FBXL17: variants seen among roughly 807,000 people sequenced by gnomAD.
FBXL17 encodes F-box and leucine rich repeat protein 17.
In FBXL17, 22 loss-of-function variants were observed where a neutral mutation model predicts 66.2. The observed-to-expected ratio is 0.33, with a 90% CI of 0.24 to 0.47. The LOEUF (loss-of-function observed/expected upper bound fraction) is 0.47, where lower values mean the gene tolerates loss of function less well. Among genes scored for constraint, FBXL17 ranks in the 20% least tolerant of loss-of-function variants. The pLI, the probability that FBXL17 is intolerant of heterozygous loss-of-function variation, is 1.00. For missense variants in FBXL17, 878 were observed against 948.2 expected, an observed-to-expected ratio of 0.93 and a Z score of 0.97; for synonymous variants, 474 against 400.5, an observed-to-expected ratio of 1.18 and a Z score of -2.19.
At chr5:107,872,232 C>T (rs1177582123) in intron 8 of FBXL17, among the ~76,000 whole-genome samples, 1 of 152,150 alleles carries the variant, frequency 6.6e-6, no homozygotes, top group Non-Finnish European at 1.5e-5. Context: ...CTGAAAGATG[C>T]CAAGTTCAAC....
At chr5:108,150,757 A>C (rs756902895) in intron 6 of FBXL17, among the ~76,000 whole-genome samples, 7 of 152,214 alleles carry the variant, frequency 4.6e-5, no homozygotes, top group Non-Finnish European at 8.8e-5. Flanking sequence ...ACAGGATCAC[A>C]GGATCACATA....
rs1748122591 is a variant in FBXL17, at chr5:107,861,561, C to G, written c.*159G>C. 2 of 569,146 alleles carry G rather than the reference C, an allele frequency of 3.5e-6. No individual in the cohort carries two copies. The highest frequency in any genetic ancestry group is 5.2e-6 in the Non-Finnish European group (2 of 383,036). The allele number at this position is 569,146 out of a possible 1,614,324, so 35.3% of individuals were successfully genotyped here. ...CTCACTTGGGAACAAATGACAACTGCACTTTTGGTATGCAGTATGCAAACA... is the reference window on the plus strand; with the variant it reads ...CTCACTTGGGAACAAATGACAACTGGACTTTTGGTATGCAGTATGCAAACA... On this transcript the variant is annotated 3_prime_UTR_variant, in exon 9 of 9. Transcript: ENST00000542267.
At chr5:108,060,559 G>T (rs1298965216) in intron 6 of FBXL17, among the ~76,000 whole-genome samples, 1 of 152,104 alleles carries the variant, frequency 6.6e-6, no homozygotes, top group East Asian at 1.9e-4. Context: ...TTATTGTCTA[G>T]TTACACTTCT....
intron 8 of FBXL17, chr5:107,879,885 A>T (rs757422540): frequency 2.7e-5 from 27 of 985,342 alleles, no homozygotes; most frequent in African/African-American, 3.5e-5. Context: ...GCAGCACTGG[A>T]TACAGACTCC....
rs1034440048 is a variant in FBXL17 at position 108,299,211 on chromosome 5, T to C, written c.1506+49188A>G. On this transcript the variant is annotated intron_variant, in intron 4 of 8. Transcript: ENST00000542267. Reference sequence around the variant, plus strand: ...GCAGAGTTGGACCTTTATACCTTTATGACATACATACAGGATAAATTCCCA... The same window carrying C: ...GCAGAGTTGGACCTTTATACCTTTACGACATACATACAGGATAAATTCCCA... 3 of 985,096 alleles carry C rather than the reference T, an allele frequency of 3.0e-6. No individual in the cohort carries two copies. In the African/African-American group the frequency reaches 5.2e-5, roughly 17 times the overall value. The allele number at this position is 985,096 out of a possible 1,614,324, so 61.0% of individuals were successfully genotyped here. A position where few individuals can be genotyped will look rare whatever the true frequency, so the allele number is the denominator to read the frequency against.
chr5:108,235,163 G>A (rs748137984), intron 4 of FBXL17, among the ~76,000 whole-genome samples: 1 of 152,300 alleles, frequency 6.6e-6, no homozygotes, highest in Non-Finnish European at 1.5e-5. Flanking sequence ...GGATTATAGA[G>A]TTAATCTGTG....
At chr5:108,299,443 A>G in intron 4 of FBXL17, 1 of 943,286 alleles carries the variant, frequency 1.1e-6, no homozygotes, top group Non-Finnish European at 1.3e-6. Flanking sequence ...AAGACACACT[A>G]GTTTATAGAT....
intron 5 of FBXL17, among the ~76,000 whole-genome samples, chr5:108,215,822 A>G (rs1302488287): frequency 6.6e-6 from 1 of 152,072 alleles, no homozygotes; most frequent in Non-Finnish European, 1.5e-5. Context: ...TACATGTTTC[A>G]TAGTTTTAAC....
At chr5:108,213,234 G>T (rs2150063604) in intron 5 of FBXL17, among the ~76,000 whole-genome samples, 1 of 152,264 alleles carries the variant, frequency 6.6e-6, no homozygotes, top group South Asian at 2.1e-4. Context: ...GGGCTCCATG[G>T]GAGTGGGACC....
At chr5:107,970,591 G>A (rs1255651244) in intron 7 of FBXL17, among the ~76,000 whole-genome samples, 1 of 152,178 alleles carries the variant, frequency 6.6e-6, no homozygotes, top group African/African-American at 2.4e-5. Flanking sequence ...TCTACTAGAA[G>A]GCAAAACTTT....
intron 7 of FBXL17, among the ~76,000 whole-genome samples, chr5:107,951,609 A>G (rs1423260166): frequency 6.6e-6 from 1 of 152,238 alleles, no homozygotes; most frequent in East Asian, 1.9e-4. Flanking sequence ...GCAGATGGCC[A>G]AGAAATCAAG....
At chr5:107,905,088 T>A (rs1315913902) in intron 7 of FBXL17, among the ~76,000 whole-genome samples, 2 of 152,010 alleles carry the variant, frequency 1.3e-5, no homozygotes, top group African/African-American at 4.8e-5. Flanking sequence ...TTGTGGATCT[T>A]CATAAAACTT....
At chr5:108,245,810 A>T (rs1341645044) in intron 4 of FBXL17, among the ~76,000 whole-genome samples, 1 of 152,202 alleles carries the variant, frequency 6.6e-6, no homozygotes, top group Non-Finnish European at 1.5e-5. Context: ...CAGAGCTCAC[A>T]TTGTACAACA....
chr5:108,100,812 T>A (rs777083692), intron 6 of FBXL17, among the ~76,000 whole-genome samples: 14 of 152,210 alleles, frequency 9.2e-5, no homozygotes, highest in Admixed American at 8.5e-4. Flanking sequence ...GAGCTTAGTT[T>A]TCCTCCTTTT....
At chr5:107,913,432 G>T (rs1750016800) in intron 7 of FBXL17, among the ~76,000 whole-genome samples, 1 of 152,136 alleles carries the variant, frequency 6.6e-6, no homozygotes, top group Non-Finnish European at 1.5e-5. Flanking sequence ...TCTGATATGG[G>T]AGTGTAGGAA....
rs1748884226 is a variant in FBXL17 at position 108,084,240 on chromosome 5, G to A, written c.1746-63239C>T. 2.6e-5 allele frequency among the ~76,000 whole-genome samples: 4 copies of A among 152,190 alleles called. No individual in the cohort carries two copies. The South Asian group carries it at 8.3e-4, about 32-fold the overall frequency. ...ACACCATCTCTCCGACCCTTCATTAGTCAGAGGATCTTGGCAACAGCAATG... is the reference window on the plus strand; with the variant it reads ...ACACCATCTCTCCGACCCTTCATTAATCAGAGGATCTTGGCAACAGCAATG... On this transcript the variant is annotated intron_variant, in intron 6 of 8. Transcript: ENST00000542267.
intron 6 of FBXL17, among the ~76,000 whole-genome samples, chr5:108,074,309 G>T (rs10071068): frequency 2.0e-5 from 2 of 97,708 alleles, no homozygotes; most frequent in African/African-American, 8.8e-5. Context: ...GATTTGAAAA[G>T]ATTTTTTTTT....
At chr5:108,375,395 A>ACACAC in intron 1 of FBXL17, among the ~76,000 whole-genome samples, 1 of 148,896 alleles carries the variant, frequency 6.7e-6, no homozygotes, top group Admixed American at 6.7e-5. Context: ...ACACACACAC[A>ACACAC]AAATTGGCTA....
At chr5:108,353,348 C>T (rs2112504061) in intron 3 of FBXL17, among the ~76,000 whole-genome samples, 1 of 152,230 alleles carries the variant, frequency 6.6e-6, no homozygotes, top group Middle Eastern at 3.4e-3. Flanking sequence ...GTAGGAAAAC[C>T]TGAACTCTGC....
Sources: gnomAD v4.1 joint callset for allele counts (sites outside exome capture counted in the v4.1 genomes callset) on GRCh38, gnomAD v4.1.1 for gene constraint, MANE v1.5 for transcripts, NCBI Gene and HGNC (gene_info 2026-07-23, HGNC 2026-07-21) for gene names.